Variants in TAX1BP1 observed in about 807,000 individuals in gnomAD.
TAX1BP1 encodes Tax1 binding protein 1, also known as tax1-binding protein 1.
Under a neutral mutation model 97.7 loss-of-function variants are expected in TAX1BP1, and 62 were observed. That is an observed-to-expected ratio of 0.63 (90% CI 0.52 to 0.78). TAX1BP1 has a LOEUF of 0.78. Ranked by LOEUF, TAX1BP1 falls within the 30% of genes least tolerant of loss-of-function variation. The pLI is 0.00. For missense variants in TAX1BP1, 867 were observed against 916.1 expected (o/e 0.95, Z 0.69); for synonymous variants, 340 against 304.2 (o/e 1.12, Z -1.23).
intron 4 of TAX1BP1, among the ~76,000 whole-genome samples, chr7:27,766,714 G>A (rs997956042): frequency 4.6e-5 from 7 of 152,082 alleles, no homozygotes; most frequent in African/African-American, 1.4e-4. Context: ...GAATGTTACC[G>A]ATTTGGGGAT....
intron 5 of TAX1BP1, among the ~76,000 whole-genome samples, chr7:27,773,766 C>T (rs1043048653): frequency 1.3e-4 from 19 of 151,958 alleles, no homozygotes; most frequent in African/African-American, 3.6e-4. Context: ...TTTTGGAGTG[C>T]TAGATACGTA....
chr7:27,773,641 T>G (rs551032337), intron 5 of TAX1BP1, among the ~76,000 whole-genome samples: 1 of 152,112 alleles, frequency 6.6e-6, no homozygotes, highest in African/African-American at 2.4e-5. Flanking sequence ...TCACTCCTTT[T>G]ATTGCCAAAT....
intron 7 of TAX1BP1, among the ~76,000 whole-genome samples, chr7:27,786,200 C>T (rs1311750795): frequency 2.0e-5 from 3 of 150,144 alleles, no homozygotes; most frequent in Admixed American, 6.6e-5. Context: ...GGTGCGATCT[C>T]GGCCCACTGC....
At position 27,790,216 on chromosome 7, in the gene TAX1BP1, T is replaced by C. The variant is rs915437331; in HGVS notation, c.1039-1790T>C. 5.3e-5 allele frequency among the ~76,000 whole-genome samples: 8 copies of C among 152,016 alleles called. No homozygotes were observed. In the East Asian group the frequency reaches 1.5e-3, roughly 29 times the overall value. ...TGGATATCTTGCACTATGATACACA[T>C]GTGGATCTTTTTCATTCATCATAAC... On this transcript the variant is annotated intron_variant, in intron 8 of 16. Coordinates refer to ENST00000396319, the MANE Select transcript of TAX1BP1 (RefSeq NM_006024.7).
intron 1 of TAX1BP1, among the ~76,000 whole-genome samples, chr7:27,746,616 A>G (rs1307992614): frequency 6.6e-6 from 1 of 152,150 alleles, no homozygotes; most frequent in East Asian, 1.9e-4. Context: ...TTAGGTTACC[A>G]GGTAGAGAGT....
Position 27,740,184 on chromosome 7 carries a change from T to A in TAX1BP1, c.-93T>A, listed in dbSNP as rs1402341569. Reference sequence around the variant, plus strand: ...GCCGGTCTTTGGGGGTAGGCGGTAGTGGCGGAAGAGGTTCGGCGGCTGATG... The same window carrying A: ...GCCGGTCTTTGGGGGTAGGCGGTAGAGGCGGAAGAGGTTCGGCGGCTGATG... On this transcript the variant is annotated 5_prime_UTR_variant, in exon 1 of 17. Transcript: ENST00000396319. 6.6e-6 allele frequency: 1 copy of A among 152,512 alleles called. No individual in the cohort carries two copies. Among genetic ancestry groups the A allele is most frequent in the African/African-American group, 2.4e-5 (1 of 41,448 alleles). 9.4% of individuals were successfully genotyped at this position (152,512 alleles called of 1,614,324 possible).
intron 8 of TAX1BP1, among the ~76,000 whole-genome samples, chr7:27,790,349 A>T (rs1789658512): frequency 6.6e-6 from 1 of 152,082 alleles, no homozygotes; most frequent in Non-Finnish European, 1.5e-5. Context: ...TGCAGTAAAC[A>T]TCCTTATAGC....
chr7:27,792,988 G>A, intron 9 of TAX1BP1, 78 bp from the exon 10 acceptor site: 1 of 1,307,332 alleles, frequency 7.6e-7, no homozygotes, highest in South Asian at 1.4e-5. Flanking sequence ...AAAAAAGTAA[G>A]ATTGAAGTTG....
intron 3 of TAX1BP1, among the ~76,000 whole-genome samples, chr7:27,764,213 G>C (rs1788534915): frequency 6.6e-6 from 1 of 152,102 alleles, no homozygotes; most frequent in African/African-American, 2.4e-5. Flanking sequence ...TTCCATTACT[G>C]TTCTTTTTCT....
Position 27,800,078 on chromosome 7 carries a change from G to A in TAX1BP1, c.1752G>A (p.Gln584=). ...TAAAACTTGAACTAGCTGAAGTACA[G>A]GACAATTATAAAGTAAGTTTGGTAC... is the stretch of plus-strand genomic sequence containing the variant. The part of the protein sequence containing the change: ...ENVKLELAEV[Q]DNYKELKRSL... The change falls in exon 13 of 17, where the codon CAG becomes CAA. Residue 584 remains glutamine, a synonymous_variant. Transcript: ENST00000396319. The A allele has an allele frequency of 6.3e-7, 1 of 1,577,742 alleles. No individual in the cohort carries two copies. The highest frequency in any genetic ancestry group is 8.6e-7 in the Non-Finnish European group (1 of 1,162,898).
At chr7:27,740,925 G>A (rs1038193392) in intron 1 of TAX1BP1, among the ~76,000 whole-genome samples, 1 of 152,156 alleles carries the variant, frequency 6.6e-6, no homozygotes, top group African/African-American at 2.4e-5. Flanking sequence ...AGTCCCGACC[G>A]ACTTGCACTC....
Position 27,750,153 on chromosome 7 carries a change from T to C in TAX1BP1, c.162+1467T>C, listed in dbSNP as rs1379155708. ...CAAGTTAAAGATACTGATTGAGAAC[T>C]GATGTTTTCTGTAGTAACAGAGCAG... On this transcript the variant is annotated intron_variant, in intron 2 of 16. Coordinates refer to ENST00000396319, the MANE Select transcript of TAX1BP1 (RefSeq NM_006024.7). Among the ~76,000 whole-genome samples, 3 of 152,138 alleles carry C rather than the reference T, an allele frequency of 2.0e-5. No homozygotes were observed. The East Asian group carries it at 5.8e-4, about 29-fold the overall frequency.
intron 15 of TAX1BP1, among the ~76,000 whole-genome samples, chr7:27,818,057 C>T (rs1486596151): frequency 6.6e-6 from 1 of 152,182 alleles, no homozygotes; most frequent in African/African-American, 2.4e-5. Flanking sequence ...TCTAGAGTAT[C>T]ATCTTACTGC....
At chr7:27,768,406 A>G (rs1788721361) in intron 4 of TAX1BP1, among the ~76,000 whole-genome samples, 1 of 152,022 alleles carries the variant, frequency 6.6e-6, no homozygotes, top group African/African-American at 2.4e-5. Flanking sequence ...TTCTTATCTA[A>G]TTTGAATTCT....
chr7:27,816,590 A>G (rs1790778177), intron 14 of TAX1BP1, 70 bp downstream of exon 14: 1 of 1,295,686 alleles, frequency 7.7e-7, no homozygotes, highest in Admixed American at 2.7e-5. Context: ...ATTTTCATGG[A>G]TTAGCAAACT....
At chr7:27,799,558 C>A (rs953295952) in intron 12 of TAX1BP1, among the ~76,000 whole-genome samples, 2 of 152,034 alleles carry the variant, frequency 1.3e-5, no homozygotes, top group Admixed American at 6.6e-5. Context: ...GCAAAAATTA[C>A]CTCTATCATT....
At chr7:27,820,757 A>G (rs1237127980) in intron 15 of TAX1BP1, among the ~76,000 whole-genome samples, 5 of 152,246 alleles carry the variant, frequency 3.3e-5, no homozygotes, top group Non-Finnish European at 7.3e-5. Flanking sequence ...CAAAACTCAA[A>G]ACATACAGAT....
chr7:27,766,108 T>C, intron 4 of TAX1BP1, 87 bp downstream of exon 4: 1 of 1,366,460 alleles, frequency 7.3e-7, no homozygotes, highest in Non-Finnish European at 9.9e-7. Context: ...TTTAAGGTTA[T>C]GTGAGAGTTG....
chr7:27,816,051 C>G (rs1453628558), intron 13 of TAX1BP1, among the ~76,000 whole-genome samples: 2 of 152,064 alleles, frequency 1.3e-5, no homozygotes, highest in Admixed American at 1.3e-4. Flanking sequence ...TTATTCATAC[C>G]TAAGTTGTAA....
Sources: gnomAD v4.1 joint callset for allele counts (sites outside exome capture counted in the v4.1 genomes callset) on GRCh38, gnomAD v4.1.1 for gene constraint, MANE v1.5 for transcripts, NCBI Gene and HGNC (gene_info 2026-07-23, HGNC 2026-07-21) for gene names.